GPCPD1: variants seen among roughly 807,000 people sequenced by gnomAD.
The protein encoded by GPCPD1 is glycerophosphocholine phosphodiesterase GPCPD1.
In GPCPD1, 29 loss-of-function variants were observed where a neutral mutation model predicts 89.2. That is an observed-to-expected ratio of 0.33 (90% confidence interval 0.24 to 0.44). The LOEUF is 0.44. GPCPD1 is among the 20% of genes least tolerant of loss of function. GPCPD1 has a pLI of 1.00. For missense variants in GPCPD1, 594 were observed against 808.9 expected (o/e 0.73, Z 3.22); for synonymous variants, 258 against 266.3 (o/e 0.97, Z 0.30).
intron 7 of GPCPD1, 144 bp downstream of exon 7, chr20:5,579,864 A>T: frequency 2.1e-6 from 1 of 486,262 alleles, no homozygotes; most frequent in Non-Finnish European, 3.7e-6. Flanking sequence ...GGGGATAAGT[A>T]GTTCACTATT....
Position 5,547,063 on chromosome 20 carries a change from C to T in GPCPD1, c.*598G>A, listed in dbSNP as rs1472720890. The T allele has an allele frequency of 1.3e-5, 2 of 152,550 alleles. No individual in the cohort carries two copies. The highest frequency in any genetic ancestry group is 6.5e-5 in the Admixed American group (1 of 15,272). 9.4% of individuals were successfully genotyped at this position (152,550 alleles called of 1,614,324 possible). A position where few individuals can be genotyped will look rare whatever the true frequency, so the allele number is the denominator to read the frequency against. ...TTTGAAAGATTTATGAAACAAGTTT[C>T]GAGGTTCACCTTCAGGCTGGTTTGG... On this transcript the variant is annotated 3_prime_UTR_variant, in exon 20 of 20. Coordinates refer to ENST00000379019, the MANE Select transcript of GPCPD1 (RefSeq NM_019593.5).
chr20:5,589,750 T>G (rs1269126889), intron 4 of GPCPD1, among the ~76,000 whole-genome samples: 1 of 152,222 alleles, frequency 6.6e-6, no homozygotes, highest in African/African-American at 2.4e-5. Context: ...AATAACTTAT[T>G]CTTTAAGATC....
chr20:5,581,547 A>G (rs1409799256), intron 6 of GPCPD1, among the ~76,000 whole-genome samples: 1 of 152,216 alleles, frequency 6.6e-6, no homozygotes, highest in African/African-American at 2.4e-5. Context: ...AGGTAAGAAC[A>G]GAACTGTGAG....
intron 8 of GPCPD1, among the ~76,000 whole-genome samples, chr20:5,577,491 A>G (rs77606785): frequency 7.2e-6 from 1 of 139,296 alleles, no homozygotes; most frequent in East Asian, 2.1e-4. Flanking sequence ...CTCTCTCCAG[A>G]AAAAAAAAAA....
intron 4 of GPCPD1, among the ~76,000 whole-genome samples, chr20:5,590,690 T>G (rs1979268590): frequency 6.6e-6 from 1 of 152,140 alleles, no homozygotes; most frequent in Admixed American, 6.6e-5. Context: ...TCAGAAGAAT[T>G]TTAGATACTA....
intron 12 of GPCPD1, 187 bp from the exon 13 acceptor site, chr20:5,567,747 C>A (rs1348197117): frequency 2.1e-6 from 1 of 469,834 alleles, no homozygotes; most frequent in Non-Finnish European, 3.6e-6. Context: ...CCTAACACCA[C>A]CTCCCAGCCC....
rs1286248111 is a variant in GPCPD1, at chr20:5,575,483, T to C, written c.931A>G (p.Lys311Glu). Residue 311 changes from lysine (K) to glutamate (E), a missense_variant, in exon 10 of 20, where the codon AAG (lysine) becomes GAG (glutamate). By Grantham distance (56) the Lys-to-Glu change is moderately conservative. Coordinates refer to ENST00000379019, the MANE Select transcript of GPCPD1 (RefSeq NM_019593.5). ...YSCDMKSSFS[K>E]YWKPRIPLDV... ...AATGGTATTCTTGGCTTCCAATACT[T>C]GGAAAATGAAGATTTCATGTCACAA... 1.2e-6 allele frequency: 2 copies of C among 1,601,146 alleles called. No homozygotes were observed. Among genetic ancestry groups the C allele is most frequent in the Non-Finnish European group, 1.7e-6 (2 of 1,168,350 alleles).
At chr20:5,608,716 T>G (rs958274519) in intron 1 of GPCPD1, among the ~76,000 whole-genome samples, 15 of 152,200 alleles carry the variant, frequency 9.9e-5, no homozygotes, top group African/African-American at 3.6e-4. Context: ...TGTATGCACA[T>G]GAGCTGACCA....
chr20:5,583,225 CAAAAAAAA>C (rs35153907), intron 6 of GPCPD1, among the ~76,000 whole-genome samples: 5 of 64,284 alleles, frequency 7.8e-5, no homozygotes, highest in East Asian at 9.6e-4. Flanking sequence ...AACTCCATCT[CAAAAAAAA>C]AAAAAAAAAA....
intron 19 of GPCPD1, chr20:5,549,168 T>A (rs1985221367): frequency 1.5e-6 from 1 of 658,410 alleles, no homozygotes; most frequent in Non-Finnish European, 2.9e-6. Context: ...GGATGATGGC[T>A]AATTTACATT....
At chr20:5,560,945 T>C (rs2122580896) in intron 16 of GPCPD1, among the ~76,000 whole-genome samples, 1 of 152,326 alleles carries the variant, frequency 6.6e-6, no homozygotes, top group East Asian at 1.9e-4. Context: ...CCTTATTCTC[T>C]TTTGTGGACT....
chr20:5,580,155 A>G (rs1978356061), intron 6 of GPCPD1, 24 bp from the exon 7 acceptor site: 8 of 1,293,808 alleles, frequency 6.2e-6, no homozygotes, highest in Non-Finnish European at 8.8e-6. Context: ...TATGAAGAAC[A>G]GTAATTATTA....
chr20:5,551,318 T>C (rs1477470797), intron 19 of GPCPD1, among the ~76,000 whole-genome samples: 1 of 152,198 alleles, frequency 6.6e-6, no homozygotes, highest in African/African-American at 2.4e-5. Context: ...TAAAGGACAC[T>C]TGGAATTGTT....
intron 19 of GPCPD1, chr20:5,549,404 A>C: frequency 1.7e-6 from 2 of 1,204,874 alleles, no homozygotes; most frequent in Non-Finnish European, 2.4e-6. Context: ...TCCTCCAAAC[A>C]TCGTGATTGG....
chr20:5,588,622 C>T lies in GPCPD1; in HGVS notation c.232-2353G>A, dbSNP rs549287924. Among the ~76,000 whole-genome samples, 153 of 151,326 alleles carry T rather than the reference C, an allele frequency of 1.0e-3. 1 individual carries two copies. Among genetic ancestry groups the T allele is most frequent in the Non-Finnish European group, 1.9e-3 (128 of 67,796 alleles). On this transcript the variant is annotated intron_variant, in intron 4 of 19. Coordinates refer to ENST00000379019, the MANE Select transcript of GPCPD1 (RefSeq NM_019593.5). ...GGCAGATCACTTGAGGTCAGGAGTT[C>T]GAGACCAACCTGGCCAACATGGTGA... is the stretch of plus-strand genomic sequence containing the variant.
chr20:5,577,704 T>C (rs1600754333), intron 8 of GPCPD1, among the ~76,000 whole-genome samples: 1 of 152,144 alleles, frequency 6.6e-6, no homozygotes, highest in South Asian at 2.1e-4. Context: ...AACTCTAATC[T>C]AGTATAAATG....
chr20:5,595,271 A>G (rs1202019007), intron 3 of GPCPD1, among the ~76,000 whole-genome samples: 8 of 152,184 alleles, frequency 5.3e-5, no homozygotes, highest in Non-Finnish European at 1.2e-4. Flanking sequence ...CGTTCTGCAC[A>G]TGTACCCTAG....
chr20:5,586,091 CCTTAA>C, intron 5 of GPCPD1, 98 bp downstream of exon 5: 2 of 579,800 alleles, frequency 3.4e-6, no homozygotes, highest in Non-Finnish European at 6.3e-6. Context: ...AATGCATTGA[CCTTAA>C]CTTTAGAATA....
At chr20:5,554,747 T>G (rs998033996) in intron 19 of GPCPD1, among the ~76,000 whole-genome samples, 1 of 152,340 alleles carries the variant, frequency 6.6e-6, no homozygotes, top group East Asian at 1.9e-4. Context: ...CTTTCAAGTC[T>G]TATTACCTTA....
Sources: gnomAD v4.1 joint callset for allele counts (sites outside exome capture counted in the v4.1 genomes callset) on GRCh38, gnomAD v4.1.1 for gene constraint, MANE v1.5 for transcripts, NCBI Gene and HGNC (gene_info 2026-07-23, HGNC 2026-07-21) for gene names.